HPSE2: variants seen among roughly 807,000 people sequenced by gnomAD.
The protein encoded by HPSE2 is inactive heparanase-2.
HPSE2 carries 38 observed loss-of-function variants against 60.5 expected under a neutral mutation model. The observed-to-expected ratio is 0.63, with a 90% CI of 0.48 to 0.82. HPSE2 has a LOEUF of 0.82. HPSE2 is among the 40% of genes least tolerant of loss of function. The pLI is 0.00. For synonymous variants in HPSE2, 295 were observed against 293.2 expected, an observed-to-expected ratio of 1.01 and a Z score of -0.06; for missense variants, 713 against 740.4, an observed-to-expected ratio of 0.96 and a Z score of 0.43.
chr10:98,966,724 G>C (rs1210717391), intron 3 of HPSE2, among the ~76,000 whole-genome samples: 1 of 152,008 alleles, frequency 6.6e-6, no homozygotes, highest in African/African-American at 2.4e-5. Context: ...AGCAGAGTAG[G>C]GTAACTATAG....
chr10:98,778,403 T>G (rs1234052683), intron 3 of HPSE2, among the ~76,000 whole-genome samples: 1 of 151,900 alleles, frequency 6.6e-6, no homozygotes, highest in Admixed American at 6.6e-5. Context: ...CAAGAAGGCA[T>G]GAGTTCTGGG....
chr10:98,494,596 T>G (rs1449714518), intron 9 of HPSE2, among the ~76,000 whole-genome samples: 1 of 152,184 alleles, frequency 6.6e-6, no homozygotes, highest in Non-Finnish European at 1.5e-5. Context: ...TTGAATAAAT[T>G]TTGCTTTTAA....
At chr10:99,117,297 G>A (rs928817664) in intron 3 of HPSE2, among the ~76,000 whole-genome samples, 36 of 148,742 alleles carry the variant, frequency 2.4e-4, no homozygotes, top group Non-Finnish European at 4.8e-4. Context: ...AGAGAACCAA[G>A]AGAAAACCAA....
intron 3 of HPSE2, chr10:99,013,916 T>A: frequency 2.3e-6 from 1 of 430,880 alleles, no homozygotes; most frequent in Admixed American, 2.7e-5. Flanking sequence ...TCCTGGTGAT[T>A]GAACAGTCTC....
chr10:98,607,849 A>G (rs1028749842), intron 9 of HPSE2, among the ~76,000 whole-genome samples: 1 of 152,206 alleles, frequency 6.6e-6, no homozygotes, highest in Admixed American at 6.5e-5. Context: ...TATCAAATAC[A>G]TATCAAATAT....
intron 3 of HPSE2, among the ~76,000 whole-genome samples, chr10:99,094,672 T>G (rs1040254583): frequency 2.6e-4 from 39 of 147,418 alleles, no homozygotes; most frequent in African/African-American, 9.6e-4. Context: ...TTCTCCTGCC[T>G]CAGCCTCTGG....
chr10:98,732,979 A>T (rs1949264917), intron 4 of HPSE2, among the ~76,000 whole-genome samples: 1 of 152,250 alleles, frequency 6.6e-6, no homozygotes, highest in Non-Finnish European at 1.5e-5. Context: ...ACAAATTAAG[A>T]AGTAGAAATG....
chr10:98,695,664 CT>C (rs577781660), intron 5 of HPSE2, among the ~76,000 whole-genome samples: 141 of 152,252 alleles, frequency 9.3e-4, no homozygotes, highest in African/African-American at 3.2e-3. Flanking sequence ...GCCACCCCCC[CT>C]AGCAGCAGTC....
intron 4 of HPSE2, among the ~76,000 whole-genome samples, chr10:98,724,262 T>A (rs1949008983): frequency 6.6e-6 from 1 of 152,174 alleles, no homozygotes; most frequent in Admixed American, 6.6e-5. Flanking sequence ...AGTTTCCATG[T>A]AGTTGAGCGG....
intron 3 of HPSE2, among the ~76,000 whole-genome samples, chr10:99,014,644 A>G (rs1957094760): frequency 6.6e-6 from 1 of 152,192 alleles, no homozygotes; most frequent in Non-Finnish European, 1.5e-5. Flanking sequence ...AATAATCGTC[A>G]TTCTAACTGG....
At chr10:98,771,040 G>A (rs564198294) in intron 3 of HPSE2, among the ~76,000 whole-genome samples, 2 of 152,112 alleles carry the variant, frequency 1.3e-5, no homozygotes, top group Non-Finnish European at 2.9e-5. Context: ...TATCAAGAGA[G>A]CAGAGTTGCA....
intron 2 of HPSE2, among the ~76,000 whole-genome samples, chr10:99,146,014 GA>G (rs1365726275): frequency 6.6e-6 from 1 of 152,144 alleles, no homozygotes; most frequent in Non-Finnish European, 1.5e-5. Flanking sequence ...CCAATTTCTT[GA>G]ATATGGGTAA....
chr10:98,494,952 C>T (rs998406119), intron 9 of HPSE2, among the ~76,000 whole-genome samples: 2 of 152,144 alleles, frequency 1.3e-5, no homozygotes, highest in African/African-American at 4.8e-5. Context: ...TGTATATTTG[C>T]TCATATACTT....
chr10:99,063,911 G>A (rs1842529914), intron 3 of HPSE2, among the ~76,000 whole-genome samples: 2 of 152,212 alleles, frequency 1.3e-5, no homozygotes, highest in East Asian at 1.9e-4. Context: ...TGGCCAACAC[G>A]GTGAAACCCC....
chr10:99,253,672 C>T, the HPSE2 span, among the ~76,000 whole-genome samples: 2 of 152,052 alleles, frequency 1.3e-5, no homozygotes, highest in Non-Finnish European at 2.9e-5. Context: ...AAACAGATGA[C>T]CTAGAGAATG....
At chr10:98,912,410 A>T (rs1157025924) in intron 3 of HPSE2, among the ~76,000 whole-genome samples, 1 of 152,156 alleles carries the variant, frequency 6.6e-6, no homozygotes, top group African/African-American at 2.4e-5. Flanking sequence ...TAAAAATTGA[A>T]CTGTCATATG....
At chr10:98,541,306 C>G (rs1943449765) in intron 9 of HPSE2, among the ~76,000 whole-genome samples, 1 of 152,098 alleles carries the variant, frequency 6.6e-6, no homozygotes, top group Non-Finnish European at 1.5e-5. Context: ...ATTGCCTTAA[C>G]AAACCACTTA....
intron 3 of HPSE2, 31 bp downstream of exon 3, chr10:99,144,207 C>T (rs1359307273): frequency 6.2e-7 from 1 of 1,611,022 alleles, no homozygotes; most frequent in African/African-American, 1.3e-5. Context: ...ACTGAATGCT[C>T]TAAGATTTCA....
intron 3 of HPSE2, among the ~76,000 whole-genome samples, chr10:98,955,838 C>T (rs993340444): frequency 6.6e-6 from 1 of 152,140 alleles, no homozygotes; most frequent in Non-Finnish European, 1.5e-5. Flanking sequence ...CCATTATCCT[C>T]AGCACACTGA....
Sources: allele counts gnomAD v4.1 joint callset (sites outside exome capture counted in the v4.1 genomes callset), GRCh38; gene constraint gnomAD v4.1.1; transcripts MANE v1.5; gene names NCBI Gene and HGNC (gene_info 2026-07-23, HGNC 2026-07-21).